The following MELK variants were observed in gnomAD, a reference collection of about 807,000 sequenced individuals.
MELK encodes maternal embryonic leucine zipper kinase.
In MELK, 81 loss-of-function variants were observed where a neutral mutation model predicts 85.0. That is an observed-to-expected ratio of 0.95 (90% CI 0.80 to 1.15). The LOEUF is 1.15. MELK is among the 50% of genes most tolerant of loss of function. MELK has a pLI of 0.00. For synonymous variants in MELK, 252 were observed against 265.0 expected (o/e 0.95, Z 0.48); for missense variants, 754 against 777.5 (o/e 0.97, Z 0.36).
intron 4 of MELK, among the ~76,000 whole-genome samples, chr9:36,592,268 G>A (rs1372479091): frequency 1.4e-5 from 2 of 146,906 alleles, no homozygotes; most frequent in South Asian, 2.1e-4. Context: ...TCCGCCTCCC[G>A]GGTTCAAGTG....
At chr9:36,581,619 T>C (rs144924744) in intron 1 of MELK, 25 bp from the exon 2 acceptor site, 4 of 1,144,028 alleles carry the variant, frequency 3.5e-6, no homozygotes, top group Middle Eastern at 2.4e-4. Flanking sequence ...TTTCCTTTAT[T>C]GATTATGTAC....
intron 12 of MELK, among the ~76,000 whole-genome samples, chr9:36,653,909 C>T (rs2137332390): frequency 6.6e-6 from 1 of 152,260 alleles, no homozygotes; most frequent in African/African-American, 2.4e-5. Context: ...CAGTCATGTG[C>T]TACAGGTATA....
chr9:36,660,933 G>A (rs945562344), intron 13 of MELK, among the ~76,000 whole-genome samples: 7 of 152,166 alleles, frequency 4.6e-5, no homozygotes, highest in Admixed American at 6.5e-5. Flanking sequence ...GGAGTTTGCA[G>A]TGAGCTGAGT....
chr9:36,583,677 G>A lies in MELK; in HGVS notation c.109G>A (p.Val37Ile). 2.5e-6 allele frequency: 4 copies of A among 1,612,836 alleles called. No individual in the cohort carries two copies. Among genetic ancestry groups the A allele is most frequent in the Non-Finnish European group, 3.4e-6 (4 of 1,179,252 alleles). Residue 37 changes from valine (V) to isoleucine (I), a missense_variant, in exon 3 of 18, where the codon GTA becomes ATA. Transcript: ENST00000298048. Reference sequence around the variant, plus strand: ...CTGCCATATCCTTACTGGAGAGATGGTAGCTATAAAAATCATGGATAAAAA... The same window carrying A: ...CTGCCATATCCTTACTGGAGAGATGATAGCTATAAAAATCATGGATAAAAA... The part of the protein sequence containing the change: ...LACHILTGEM[V>I]AIKIMDKNTL...
At chr9:36,615,036 T>TC (rs1318721023) in intron 8 of MELK, among the ~76,000 whole-genome samples, 1 of 131,796 alleles carries the variant, frequency 7.6e-6, no homozygotes, top group African/African-American at 3.1e-5. Context: ...GCCCCTCACC[T>TC]CCCGGACGGG....
At chr9:36,645,695 A>C (rs1564200662) in intron 11 of MELK, among the ~76,000 whole-genome samples, 1 of 152,102 alleles carries the variant, frequency 6.6e-6, no homozygotes, top group Non-Finnish European at 1.5e-5. Context: ...TCTCAACCCC[A>C]CAGATGATGA....
chr9:36,615,544 C>G (rs1290708710), intron 8 of MELK, among the ~76,000 whole-genome samples: 5 of 138,976 alleles, frequency 3.6e-5, no homozygotes, highest in Admixed American at 6.8e-5. Context: ...CGGAGACGCT[C>G]CTCACTTCCC....
At chr9:36,642,864 C>T in intron 10 of MELK, 133 bp from the exon 11 acceptor site, 1 of 646,922 alleles carries the variant, frequency 1.5e-6, no homozygotes, top group Non-Finnish European at 2.6e-6. Flanking sequence ...GATTCTTCCC[C>T]AAGAAATTGA....
At chr9:36,582,983 T>TC (rs1294090858) in intron 2 of MELK, among the ~76,000 whole-genome samples, 1 of 151,940 alleles carries the variant, frequency 6.6e-6, no homozygotes, top group East Asian at 1.9e-4. Flanking sequence ...AAGTTTTTTT[T>TC]TTTTTTTGGA....
chr9:36,636,750 T>TTCTTTCTTTCTTTC, intron 10 of MELK, among the ~76,000 whole-genome samples: 1 of 99,460 alleles, frequency 1.0e-5, no homozygotes, highest in South Asian at 3.2e-4. Flanking sequence ...CTTTCTTTCT[T>TTCTTTCTTTCTTTC]TCTTTCTTTC....
In MELK at chr9:36,657,472, C is replaced by T. The variant is rs151246051; in HGVS notation, c.1176+109C>T. The T allele has an allele frequency of 1.3e-3, 1,619 of 1,225,076 alleles. 16 individuals are homozygous for T. In the African/African-American group the frequency reaches 0.021, roughly 16 times the overall value. The allele number at this position is 1,225,076 out of a possible 1,614,324, so 75.9% of individuals were successfully genotyped here. ...CTTGCAAATTTAATGAATGCTTAAG[C>T]CACTGAAAATGTTTATGAGCGATAA... On this transcript the variant is annotated intron_variant, in intron 13 of 17. Coordinates refer to ENST00000298048, the MANE Select transcript of MELK (RefSeq NM_014791.4).
intron 13 of MELK, among the ~76,000 whole-genome samples, chr9:36,661,135 C>A (rs1249583166): frequency 3.9e-5 from 6 of 152,158 alleles, no homozygotes; most frequent in African/African-American, 1.4e-4. Flanking sequence ...TCCAGCGGCT[C>A]CTAGGTTGCT....
intron 8 of MELK, among the ~76,000 whole-genome samples, chr9:36,612,675 G>C (rs899833045): frequency 6.6e-6 from 1 of 152,252 alleles, no homozygotes; most frequent in Non-Finnish European, 1.5e-5. Flanking sequence ...TTCTAAATGA[G>C]ATTTGCCAGT....
At chr9:36,653,178 G>A (rs766713454) in intron 12 of MELK, among the ~76,000 whole-genome samples, 1 of 152,000 alleles carries the variant, frequency 6.6e-6, no homozygotes, top group East Asian at 1.9e-4. Context: ...ACAAAGTCTT[G>A]CTTTGTTGTC....
At chr9:36,659,343 T>C (rs1831571638) in intron 13 of MELK, among the ~76,000 whole-genome samples, 1 of 152,204 alleles carries the variant, frequency 6.6e-6, no homozygotes, top group Non-Finnish European at 1.5e-5. Flanking sequence ...TGCATGTATA[T>C]GTCTTGTAAT....
chr9:36,667,101 C>T (rs957787650), intron 14 of MELK, among the ~76,000 whole-genome samples: 2 of 151,904 alleles, frequency 1.3e-5, no homozygotes, highest in African/African-American at 2.4e-5. Flanking sequence ...GGAGATAAAA[C>T]GGACCTCAGC....
intron 13 of MELK, among the ~76,000 whole-genome samples, chr9:36,660,914 C>A (rs373691252): frequency 1.3e-5 from 2 of 152,086 alleles, no homozygotes; most frequent in South Asian, 2.1e-4. Context: ...TTGCTTGAAC[C>A]CGGGAGGTGG....
chr9:36,601,385 A>G (rs1197400571), intron 7 of MELK, among the ~76,000 whole-genome samples: 2 of 152,084 alleles, frequency 1.3e-5, no homozygotes, highest in Non-Finnish European at 2.9e-5. Flanking sequence ...ATTTAGTAGA[A>G]TGTACATCAA....
chr9:36,612,016 G>A (rs1251920380), intron 8 of MELK, among the ~76,000 whole-genome samples: 1 of 151,706 alleles, frequency 6.6e-6, no homozygotes, highest in African/African-American at 2.4e-5. Context: ...CGTGATCTGC[G>A]CTCCTCTGCC....
Sources: allele counts gnomAD v4.1 joint callset (sites outside exome capture counted in the v4.1 genomes callset), GRCh38; gene constraint gnomAD v4.1.1; transcripts MANE v1.5; gene names NCBI Gene and HGNC (gene_info 2026-07-23, HGNC 2026-07-21).